Variants in NRXN3 observed in about 807,000 individuals in gnomAD.
The protein encoded by NRXN3 is neurexin III.
NRXN3 carries 32 observed loss-of-function variants against 137.6 expected under a neutral mutation model. That is an observed-to-expected ratio of 0.23 (90% CI 0.18 to 0.31). The LOEUF is 0.31. Ranked by LOEUF, NRXN3 falls within the 10% of genes least tolerant of loss-of-function variation. The pLI is 1.00. For missense variants in NRXN3, 1,574 were observed against 2,062.5 expected (o/e 0.76, Z 4.59); for synonymous variants, 798 against 784.5 (o/e 1.02, Z -0.29).
At chr14:79,257,845 A>G (rs1277377033) in intron 15 of NRXN3, among the ~76,000 whole-genome samples, 28 of 151,962 alleles carry the variant, frequency 1.8e-4, no homozygotes, top group Admixed American at 1.8e-3. Flanking sequence ...AAATTATTGT[A>G]TTTTCCTTAA....
At chr14:79,022,922 G>A (rs1201709423) in intron 15 of NRXN3, among the ~76,000 whole-genome samples, 1 of 152,156 alleles carries the variant, frequency 6.6e-6, no homozygotes, top group Admixed American at 6.6e-5. Context: ...TTTTGAGCAA[G>A]TGTCAACTGT....
chr14:78,357,799 T>C (rs939808472), intron 4 of NRXN3, among the ~76,000 whole-genome samples: 2 of 152,244 alleles, frequency 1.3e-5, no homozygotes, highest in African/African-American at 4.8e-5. Context: ...ATGGTGAATA[T>C]GGTCATCTTA....
chr14:78,338,398 C>A (rs567993734), intron 4 of NRXN3, among the ~76,000 whole-genome samples: 96 of 152,302 alleles, frequency 6.3e-4, no homozygotes, highest in Middle Eastern at 3.4e-3. Flanking sequence ...TCTTAAAGTC[C>A]TTTCTAGTCC....
intron 4 of NRXN3, among the ~76,000 whole-genome samples, chr14:78,570,499 T>A (rs2096879361): frequency 6.6e-6 from 1 of 152,194 alleles, no homozygotes; most frequent in Non-Finnish European, 1.5e-5. Context: ...AAAGCTCAGA[T>A]GGGAAATACA....
intron 1 of NRXN3, among the ~76,000 whole-genome samples, chr14:78,177,650 A>G (rs763465114): frequency 2.6e-5 from 4 of 152,088 alleles, no homozygotes; most frequent in African/African-American, 9.7e-5. Flanking sequence ...TCTTAAAGGA[A>G]TAGAGAGAGG....
intron 4 of NRXN3, among the ~76,000 whole-genome samples, chr14:78,447,889 A>G (rs2094457807): frequency 1.3e-5 from 2 of 152,226 alleles, no homozygotes; most frequent in Non-Finnish European, 2.9e-5. Flanking sequence ...GAAAAGATAC[A>G]GTTGTAAAAA....
At chr14:78,988,188 A>C in intron 15 of NRXN3, 47 bp downstream of exon 15, 1 of 1,609,476 alleles carries the variant, frequency 6.2e-7, no homozygotes, top group Non-Finnish European at 8.5e-7. Flanking sequence ...AGATGTTTGG[A>C]GATTTGGAGA....
chr14:79,748,450 A>T (rs1208733598), intron 19 of NRXN3, among the ~76,000 whole-genome samples: 1 of 152,112 alleles, frequency 6.6e-6, no homozygotes, highest in Admixed American at 6.6e-5. Context: ...GAGATGTTCC[A>T]TGTGGTTCCT....
chr14:79,280,527 G>C, intron 15 of NRXN3: 3 of 1,611,660 alleles, frequency 1.9e-6, no homozygotes, highest in Non-Finnish European at 2.5e-6. Flanking sequence ...GTTTCCCTTC[G>C]AGGAGGACAC....
At chr14:79,720,949 A>G (rs1437126946) in intron 19 of NRXN3, among the ~76,000 whole-genome samples, 3 of 152,154 alleles carry the variant, frequency 2.0e-5, no homozygotes, top group Non-Finnish European at 4.4e-5. Flanking sequence ...TAAAAAATAT[A>G]TGTAGACAGA....
intron 15 of NRXN3, among the ~76,000 whole-genome samples, chr14:79,000,415 A>G (rs1192477134): frequency 6.6e-6 from 1 of 152,082 alleles, no homozygotes. Flanking sequence ...TATTTCTGTA[A>G]TTTCTGTAAA....
intron 1 of NRXN3, among the ~76,000 whole-genome samples, chr14:78,210,578 G>A (rs1356657881): frequency 6.6e-6 from 1 of 151,876 alleles, no homozygotes; most frequent in Non-Finnish European, 1.5e-5. Flanking sequence ...TTGAGTACTG[G>A]CAAATGTATA....
At chr14:78,232,181 G>A (rs2065512658) in intron 1 of NRXN3, among the ~76,000 whole-genome samples, 2 of 152,374 alleles carry the variant, frequency 1.3e-5, no homozygotes, top group South Asian at 4.1e-4. Context: ...CTGTGGTGAA[G>A]CTGGGGGCTG....
intron 19 of NRXN3, among the ~76,000 whole-genome samples, chr14:79,793,501 T>C (rs573735735): frequency 2.0e-5 from 3 of 152,192 alleles, no homozygotes; most frequent in African/African-American, 7.2e-5. Flanking sequence ...AGGAACATAA[T>C]CTATTTGTCA....
At chr14:79,060,140 G>A (rs534610283) in intron 15 of NRXN3, among the ~76,000 whole-genome samples, 2 of 152,336 alleles carry the variant, frequency 1.3e-5, no homozygotes, top group East Asian at 3.9e-4. Context: ...CAGGACTTTA[G>A]TGCCTCTTGG....
chr14:78,182,145 T>C (rs1226622906), intron 1 of NRXN3, among the ~76,000 whole-genome samples: 1 of 152,048 alleles, frequency 6.6e-6, no homozygotes, highest in East Asian at 1.9e-4. Context: ...TAAAATTCGT[T>C]GAGCACTCAC....
intron 10 of NRXN3, among the ~76,000 whole-genome samples, chr14:78,926,642 A>T (rs1236917468): frequency 3.1e-5 from 3 of 95,652 alleles, no homozygotes; most frequent in African/African-American, 7.5e-5. Flanking sequence ...ATATATATTT[A>T]TATATAATAT....
intron 10 of NRXN3, among the ~76,000 whole-genome samples, chr14:78,952,342 C>G (rs555565073): frequency 1.3e-5 from 2 of 152,116 alleles, no homozygotes; most frequent in African/African-American, 4.8e-5. Flanking sequence ...CCAAAGAAAG[C>G]AACCAGAAGC....
chr14:78,248,138 G>A (rs2067968319), intron 2 of NRXN3, among the ~76,000 whole-genome samples: 2 of 152,196 alleles, frequency 1.3e-5, no homozygotes, highest in South Asian at 4.1e-4. Flanking sequence ...GGACTTGAGT[G>A]GGTGCCCAGA....
Sources: allele counts gnomAD v4.1 joint callset (sites outside exome capture counted in the v4.1 genomes callset), GRCh38; gene constraint gnomAD v4.1.1; transcripts MANE v1.5; gene names NCBI Gene and HGNC (gene_info 2026-07-23, HGNC 2026-07-21).